The following MAML2 variants were observed in gnomAD, a reference collection of about 807,000 sequenced individuals.
The protein encoded by MAML2 is mastermind like transcriptional coactivator 2.
A neutral mutation model predicts 96.1 loss-of-function variants in MAML2; 22 were observed. The observed-to-expected ratio is 0.23, with a 90% confidence interval of 0.16 to 0.33. The LOEUF (loss-of-function observed/expected upper bound fraction) is 0.33, where lower values mean the gene tolerates loss of function less well. Ranked by LOEUF, MAML2 falls within the 10% of genes least tolerant of loss-of-function variation. The pLI is 1.00. For synonymous variants in MAML2, 561 were observed against 521.3 expected, an observed-to-expected ratio of 1.08 and a Z score of -1.04; for missense variants, 1,367 against 1,392.4, an observed-to-expected ratio of 0.98 and a Z score of 0.29.
chr11:96,032,935 C>T (rs1384671141), intron 2 of MAML2, among the ~76,000 whole-genome samples: 1 of 152,144 alleles, frequency 6.6e-6, no homozygotes, highest in Admixed American at 6.5e-5. Context: ...GATGAAAATT[C>T]TATTAATAGA....
intron 2 of MAML2, among the ~76,000 whole-genome samples, chr11:96,024,288 T>C (rs1858481656): frequency 6.6e-6 from 1 of 152,282 alleles, no homozygotes; most frequent in Admixed American, 6.5e-5. Context: ...CATAACTTCC[T>C]AATTGTGCAA....
chr11:96,053,592 A>T (rs905176557), intron 2 of MAML2, among the ~76,000 whole-genome samples: 1 of 151,782 alleles, frequency 6.6e-6, no homozygotes, highest in South Asian at 2.1e-4. Context: ...GGAGGGGGCC[A>T]GTCTGGAAGA....
intron 2 of MAML2, among the ~76,000 whole-genome samples, chr11:96,008,734 T>C (rs1166545966): frequency 6.6e-6 from 1 of 152,236 alleles, no homozygotes; most frequent in Non-Finnish European, 1.5e-5. Context: ...ATCAGTCAAC[T>C]ATTTGCTTCA....
intron 1 of MAML2, among the ~76,000 whole-genome samples, chr11:96,300,004 G>T (rs1863365187): frequency 6.6e-6 from 1 of 152,188 alleles, no homozygotes; most frequent in Non-Finnish European, 1.5e-5. Flanking sequence ...TTAAGAGGAG[G>T]TAGGGAGAAT....
chr11:96,083,698 T>C (rs901775383), intron 2 of MAML2, among the ~76,000 whole-genome samples: 2 of 152,208 alleles, frequency 1.3e-5, no homozygotes, highest in Non-Finnish European at 2.9e-5. Context: ...GTATAATTTA[T>C]TTGTCCACAT....
intron 1 of MAML2, among the ~76,000 whole-genome samples, chr11:96,153,384 A>T (rs563808607): frequency 3.0e-4 from 45 of 152,246 alleles, no homozygotes; most frequent in African/African-American, 9.6e-4. Context: ...CCTCTTCCTA[A>T]CTGTATCATC....
At chr11:96,300,382 T>C (rs756240540) in intron 1 of MAML2, among the ~76,000 whole-genome samples, 4 of 152,016 alleles carry the variant, frequency 2.6e-5, no homozygotes, top group Non-Finnish European at 5.9e-5. Flanking sequence ...CGACAAAACA[T>C]GTTAAAGGCA....
At chr11:96,064,590 A>G (rs1401794136) in intron 2 of MAML2, among the ~76,000 whole-genome samples, 1 of 152,210 alleles carries the variant, frequency 6.6e-6, no homozygotes, top group African/African-American at 2.4e-5. Context: ...TTTCCACCTC[A>G]GTATTCTTTT....
At chr11:96,339,288 G>A (rs781351051) in intron 1 of MAML2, among the ~76,000 whole-genome samples, 1 of 152,138 alleles carries the variant, frequency 6.6e-6, no homozygotes, top group Non-Finnish European at 1.5e-5. Context: ...GCTTTCAGTC[G>A]GGAAGGGCCA....
chr11:96,293,238 C>T (rs1417391945), intron 1 of MAML2, among the ~76,000 whole-genome samples: 3 of 152,126 alleles, frequency 2.0e-5, no homozygotes, highest in South Asian at 2.1e-4. Flanking sequence ...AAAGTTTCTG[C>T]CAAGTTCACT....
chr11:96,310,569 T>G (rs556108197), intron 1 of MAML2, among the ~76,000 whole-genome samples: 1 of 152,320 alleles, frequency 6.6e-6, no homozygotes, highest in African/African-American at 2.4e-5. Flanking sequence ...CACATATTAT[T>G]AAAGCAAGAA....
At chr11:96,199,896 T>C (rs925434943) in intron 1 of MAML2, among the ~76,000 whole-genome samples, 1 of 152,224 alleles carries the variant, frequency 6.6e-6, no homozygotes, top group African/African-American at 2.4e-5. Context: ...CTCTATATTT[T>C]ATCAATTTGG....
chr11:96,299,056 A>ATATATATATATATAT (rs1191083053), intron 1 of MAML2, among the ~76,000 whole-genome samples: 1,383 of 48,458 alleles, frequency 0.029, 12 homozygotes, highest in Middle Eastern at 0.043. Context: ...AAAAAAAAAA[A>ATATATATATATATAT]AAAAATATAT....
intron 1 of MAML2, among the ~76,000 whole-genome samples, chr11:96,330,340 A>G (rs1863836233): frequency 6.6e-6 from 1 of 152,242 alleles, no homozygotes; most frequent in Admixed American, 6.5e-5. Flanking sequence ...AGGCTATTTC[A>G]TAAACTGTAT....
At chr11:96,320,914 G>A (rs1250767532) in intron 1 of MAML2, among the ~76,000 whole-genome samples, 1 of 152,170 alleles carries the variant, frequency 6.6e-6, no homozygotes, top group African/African-American at 2.4e-5. Flanking sequence ...GGAAGAGTGG[G>A]AGAAAACATG....
intron 1 of MAML2, among the ~76,000 whole-genome samples, chr11:96,266,431 C>T (rs550621026): frequency 2.6e-5 from 4 of 152,056 alleles, no homozygotes; most frequent in Admixed American, 6.5e-5. Context: ...ATTAGCTGGG[C>T]GTGGTGGTGG....
intron 1 of MAML2, among the ~76,000 whole-genome samples, chr11:96,202,604 G>A (rs1327078276): frequency 6.6e-6 from 1 of 151,990 alleles, no homozygotes; most frequent in Non-Finnish European, 1.5e-5. Context: ...GATCCATTAA[G>A]TAACTATGCT....
At position 96,150,025 on chromosome 11, in the gene MAML2, C is replaced by T. The variant is rs572310485; in HGVS notation, c.514-56508G>A. ...ATTTGTACTCCAAAACTTCTAACTA[C>T]TTGTTGGATATCTTCGCCTGAATAT... On this transcript the variant is annotated intron_variant, in intron 1 of 4. Transcript: ENST00000524717. Among the ~76,000 whole-genome samples, 3 of 152,332 alleles carry T rather than the reference C, an allele frequency of 2.0e-5. No individual in the cohort carries two copies. In the East Asian group the frequency reaches 5.8e-4, roughly 29 times the overall value.
chr11:95,985,219 C>T (rs1449575633), intron 4 of MAML2, among the ~76,000 whole-genome samples: 2 of 152,158 alleles, frequency 1.3e-5, no homozygotes, highest in African/African-American at 4.8e-5. Context: ...GTCTGCTTAC[C>T]TTCTACTACC....
Sources: allele counts gnomAD v4.1 joint callset (sites outside exome capture counted in the v4.1 genomes callset), GRCh38; gene constraint gnomAD v4.1.1; transcripts MANE v1.5; gene names NCBI Gene and HGNC (gene_info 2026-07-23, HGNC 2026-07-21).